Variants in THSD7A observed in about 807,000 individuals in gnomAD.
THSD7A encodes thrombospondin type-1 domain-containing protein 7A.
In THSD7A, 96 loss-of-function variants were observed where a neutral mutation model predicts 231.3. The ratio of observed to expected loss-of-function variants is 0.41; its 90% CI spans 0.35 to 0.49. THSD7A has a LOEUF of 0.49. Ranked by LOEUF, THSD7A falls within the 20% of genes least tolerant of loss-of-function variation. THSD7A has a pLI of 0.05. For synonymous variants in THSD7A, 940 were observed against 743.3 expected, an observed-to-expected ratio of 1.26 and a Z score of -4.30; for missense variants, 2,290 against 2,070.2, an observed-to-expected ratio of 1.11 and a Z score of -2.06.
chr7:11,420,879 G>A (rs1432066180), intron 16 of THSD7A, among the ~76,000 whole-genome samples: 1 of 152,160 alleles, frequency 6.6e-6, no homozygotes, highest in African/African-American at 2.4e-5. Context: ...AGATTATTTT[G>A]AAGCTTTAAA....
chr7:11,623,717 G>C (rs950166406), intron 2 of THSD7A, among the ~76,000 whole-genome samples: 1 of 152,068 alleles, frequency 6.6e-6, no homozygotes, highest in Non-Finnish European at 1.5e-5. Flanking sequence ...AGTTTGGCTA[G>C]CACATACAAG....
At chr7:11,528,555 C>A (rs1300479452) in intron 6 of THSD7A, among the ~76,000 whole-genome samples, 1 of 152,130 alleles carries the variant, frequency 6.6e-6, no homozygotes, top group African/African-American at 2.4e-5. Context: ...GCAAGCAGCA[C>A]AATGTATATT....
chr7:11,680,943 A>T (rs1160244567), intron 1 of THSD7A, among the ~76,000 whole-genome samples: 1 of 152,220 alleles, frequency 6.6e-6, no homozygotes, highest in Non-Finnish European at 1.5e-5. Flanking sequence ...AAAGACTTGG[A>T]ACGAACCCAA....
At chr7:11,618,447 A>T (rs1436890859) in intron 2 of THSD7A, among the ~76,000 whole-genome samples, 1 of 152,344 alleles carries the variant, frequency 6.6e-6, no homozygotes, top group East Asian at 1.9e-4. Flanking sequence ...CACCTTATTA[A>T]CATAACTTAC....
intron 1 of THSD7A, among the ~76,000 whole-genome samples, chr7:11,679,680 TC>T (rs1438102555): frequency 2.6e-5 from 4 of 152,008 alleles, no homozygotes; most frequent in Admixed American, 2.0e-4. Flanking sequence ...AAAGCACTGG[TC>T]AAGGAAATAA....
chr7:11,764,478 G>T (rs1782969301), intron 1 of THSD7A, among the ~76,000 whole-genome samples: 1 of 151,670 alleles, frequency 6.6e-6, no homozygotes, highest in South Asian at 2.1e-4. Flanking sequence ...CTACTCGGGA[G>T]GCTGAGGCAG....
At chr7:11,518,805 TAATA>T (rs139806243) in intron 6 of THSD7A, among the ~76,000 whole-genome samples, 1,741 of 152,294 alleles carry the variant, frequency 0.011, 31 homozygotes, top group African/African-American at 0.04. Flanking sequence ...ACATGTGAAA[TAATA>T]AATTATCAAA....
chr7:11,650,962 G>C (rs984167287), intron 1 of THSD7A, among the ~76,000 whole-genome samples: 2 of 152,000 alleles, frequency 1.3e-5, no homozygotes, highest in East Asian at 3.9e-4. Flanking sequence ...AAAAGATAGT[G>C]AGGGCCTACA....
At chr7:11,380,672 C>G (rs1163230379) in intron 24 of THSD7A, among the ~76,000 whole-genome samples, 1 of 152,120 alleles carries the variant, frequency 6.6e-6, no homozygotes, top group Admixed American at 6.6e-5. Context: ...GAGTTTCTTA[C>G]AAGGACAATT....
chr7:11,573,989 A>C (rs914769146), intron 4 of THSD7A, among the ~76,000 whole-genome samples: 44 of 152,184 alleles, frequency 2.9e-4, no homozygotes, highest in Non-Finnish European at 7.3e-5. Flanking sequence ...TGATGTTATA[A>C]AAACATGTAT....
chr7:11,671,119 T>C (rs1783373650), intron 1 of THSD7A, among the ~76,000 whole-genome samples: 1 of 152,172 alleles, frequency 6.6e-6, no homozygotes, highest in Admixed American at 6.5e-5. Context: ...CAAGAGAACA[T>C]TAATAGACCT....
At chr7:11,653,436 C>A (rs1238160296) in intron 1 of THSD7A, among the ~76,000 whole-genome samples, 2 of 142,464 alleles carry the variant, frequency 1.4e-5, no homozygotes, top group Non-Finnish European at 3.1e-5. Flanking sequence ...ACACCGAGAT[C>A]CACTCCCAGA....
At chr7:11,714,888 GC>G (rs1781084362) in intron 1 of THSD7A, among the ~76,000 whole-genome samples, 1 of 151,328 alleles carries the variant, frequency 6.6e-6, no homozygotes, top group Admixed American at 6.6e-5. Flanking sequence ...ATTGGAAAAG[GC>G]ATGTCAAGGT....
chr7:11,567,699 G>T (rs934122377), intron 4 of THSD7A, among the ~76,000 whole-genome samples: 2 of 152,008 alleles, frequency 1.3e-5, no homozygotes, highest in Admixed American at 6.6e-5. Flanking sequence ...GAGCTCCTTG[G>T]GTAATTCCAG....
chr7:11,795,811 C>T (rs1036643064), intron 1 of THSD7A, among the ~76,000 whole-genome samples: 6 of 151,454 alleles, frequency 4.0e-5, no homozygotes, highest in Middle Eastern at 3.2e-3. Context: ...TGGGAAAAGA[C>T]AGGAGCAAAA....
chr7:11,675,511 C>T (rs1783601541), intron 1 of THSD7A, among the ~76,000 whole-genome samples: 1 of 152,198 alleles, frequency 6.6e-6, no homozygotes, highest in African/African-American at 2.4e-5. Flanking sequence ...CTAAGATCCA[C>T]TGGCTTGAAA....
Position 11,375,824 on chromosome 7 carries a change from G to C in THSD7A, c.4944C>G (p.Thr1648=). The C allele has an allele frequency of 6.2e-7, 1 of 1,612,786 alleles. No individual in the cohort carries two copies. Among genetic ancestry groups the C allele is most frequent in the Non-Finnish European group, 8.5e-7 (1 of 1,179,082 alleles). Residue 1648 remains threonine, a synonymous_variant, in exon 28 of 28, where the codon ACC becomes ACG. Coordinates refer to ENST00000423059, the MANE Select transcript of THSD7A (RefSeq NM_015204.3). ...TGTCGGCATCTCCATCATAGGCTAAGGTTAAAGGTTTCAGTCGGTTGTTTT... is the reference window on the plus strand; with the variant it reads ...TGTCGGCATCTCCATCATAGGCTAACGTTAAAGGTTTCAGTCGGTTGTTTT... ...RRQNNRLKPL[T]LAYDGDADM is the part of the protein sequence containing the mutation.
intron 1 of THSD7A, among the ~76,000 whole-genome samples, chr7:11,759,982 C>A (rs189015843): frequency 2.7e-4 from 41 of 151,920 alleles, no homozygotes; most frequent in Admixed American, 2.2e-3. Context: ...ATAAGAATAT[C>A]TAATATTAAG....
rs762047342 is a variant in THSD7A, at chr7:11,407,059, G to C, written c.3917-4C>G. Reference sequence around the variant, plus strand: ...GTTCGTCTTCGGATCATTTTTCCTTGAAGAGATACAAAGTGATGCACCTTT... The same window carrying C: ...GTTCGTCTTCGGATCATTTTTCCTTCAAGAGATACAAAGTGATGCACCTTT... On this transcript the variant is annotated splice_polypyrimidine_tract_variant and splice_region_variant and intron_variant, in intron 20 of 27. Transcript: ENST00000423059. 6.2e-7 allele frequency: 1 copy of C among 1,613,310 alleles called. No homozygotes were observed. Among genetic ancestry groups the C allele is most frequent in the East Asian group, 2.2e-5 (1 of 44,874 alleles).
Sources: allele counts gnomAD v4.1 joint callset (sites outside exome capture counted in the v4.1 genomes callset), GRCh38; gene constraint gnomAD v4.1.1; transcripts MANE v1.5; gene names NCBI Gene and HGNC (gene_info 2026-07-23, HGNC 2026-07-21).